Variants in IQCH observed in about 807,000 individuals in gnomAD.
The protein encoded by IQCH is IQ domain-containing protein H.
Under a neutral mutation model 117.0 loss-of-function variants are expected in IQCH, and 98 were observed. The ratio of observed to expected loss-of-function variants is 0.84; its 90% CI spans 0.71 to 0.99. The LOEUF is 0.99. Ranked by LOEUF, IQCH falls within the 50% of genes least tolerant of loss-of-function variation. The pLI is 0.00. For synonymous variants in IQCH, 412 were observed against 448.2 expected (o/e 0.92, Z 1.02); for missense variants, 1,102 against 1,243.8 (o/e 0.89, Z 1.72).
chr15:67,329,142 T>C (rs1363982883), intron 4 of IQCH, among the ~76,000 whole-genome samples: 1 of 151,874 alleles, frequency 6.6e-6, no homozygotes, highest in Admixed American at 6.6e-5. Flanking sequence ...CTACACAAAA[T>C]ACAAAAATTA....
rs2083134126 is a variant in IQCH, at chr15:67,473,901, C to T, written c.2677-1795C>T. ...GATGTATTAGCCTGTGGGGGCCTAA[C>T]TCGTCTGTAGATGTGGACTCCACTT... On this transcript the variant is annotated intron_variant, in intron 17 of 20. Transcript: ENST00000335894. The surrounding 1 kb of genome is among the most constrained non-coding windows in gnomAD (Gnocchi z 4.9). Among the ~76,000 whole-genome samples, 1 of 152,174 alleles carries T rather than the reference C, an allele frequency of 6.6e-6. No individual in the cohort carries two copies. The highest frequency in any genetic ancestry group is 1.5e-5 in the Non-Finnish European group (1 of 68,036).
At chr15:67,307,059 C>G (rs1256170105) in intron 4 of IQCH, 5 of 1,281,040 alleles carry the variant, frequency 3.9e-6, no homozygotes, top group Non-Finnish European at 4.9e-6. Flanking sequence ...AATAGCCAAA[C>G]CAAACATTGC....
intron 4 of IQCH, among the ~76,000 whole-genome samples, chr15:67,326,433 G>A (rs1968411254): frequency 1.3e-5 from 2 of 152,188 alleles, no homozygotes; most frequent in African/African-American, 4.8e-5. Context: ...ACATATGTGT[G>A]CATGTGTCTT....
chr15:67,258,225 ACT>A (rs772058558), intron 1 of IQCH, among the ~76,000 whole-genome samples: 3 of 140,686 alleles, frequency 2.1e-5, no homozygotes, highest in Non-Finnish European at 3.1e-5. Context: ...GCACAGCGAG[ACT>A]CTGTGTCAAA....
At chr15:67,371,583 A>G (rs1240135679) in intron 8 of IQCH, 1 of 1,112,822 alleles carries the variant, frequency 9.0e-7, no homozygotes, top group East Asian at 2.5e-5. Context: ...TCTGGATATT[A>G]AGAGAAGATG....
chr15:67,484,012 C>A (rs1237046551), intron 18 of IQCH, among the ~76,000 whole-genome samples: 1 of 152,140 alleles, frequency 6.6e-6, no homozygotes, highest in African/African-American at 2.4e-5. Flanking sequence ...TTCAAAAGGA[C>A]CAAACTCTAG....
rs1159310140 is a variant in IQCH at position 67,337,005 on chromosome 15, A to G, written c.418A>G (p.Asn140Asp). Residue 140 changes from asparagine (N) to aspartate (D), a missense_variant, in exon 5 of 21, where the codon AAC becomes GAC. By Grantham distance (23) the Asn-to-Asp change is conservative. Around this residue, in one of 2 missense-constraint regions of IQCH, gnomAD observed 452 missense variants for 449.6 expected, o/e 1.01. Coordinates refer to ENST00000335894, the MANE Select transcript of IQCH (RefSeq NM_001031715.3). ...IKVSKLIKGS[N>D]ISSLTVLPSS... ...GGTTTCGAAGTTAATCAAAGGGTCT[A>G]ACATATCCAGCCTCACGGTTCTGCC... 1.2e-6 allele frequency: 2 copies of G among 1,613,692 alleles called. No individual in the cohort carries two copies. The highest frequency in any genetic ancestry group is 1.7e-6 in the Non-Finnish European group (2 of 1,179,796).
intron 4 of IQCH, among the ~76,000 whole-genome samples, chr15:67,300,431 A>G (rs558947761): frequency 6.6e-6 from 1 of 152,194 alleles, no homozygotes; most frequent in African/African-American, 2.4e-5. Context: ...ATACAGCTCA[A>G]ATCAGGACTT....
chr15:67,279,615 T>C lies in IQCH; in HGVS notation c.387+103T>C, dbSNP rs1266146413. The C allele has an allele frequency of 2.3e-5, 14 of 603,404 alleles. No homozygotes were observed. The South Asian group carries it at 3.2e-4, about 14-fold the overall frequency. The allele number at this position is 603,404 out of a possible 1,614,324, so 37.4% of individuals were successfully genotyped here. ...GACTTTTAATGGGTATGAAGTTTCT[T>C]TGGGGGACAATGAACATGTTCTAGA... On this transcript the variant is annotated intron_variant, in intron 4 of 20. Coordinates refer to ENST00000335894, the MANE Select transcript of IQCH (RefSeq NM_001031715.3).
intron 14 of IQCH, among the ~76,000 whole-genome samples, chr15:67,402,510 C>G (rs1420863552): frequency 6.6e-6 from 1 of 152,198 alleles, no homozygotes; most frequent in Non-Finnish European, 1.5e-5. Flanking sequence ...ATTTAGACAT[C>G]AAAGCATTAC....
rs1335385558 is a variant in IQCH at position 67,430,472 on chromosome 15, G to A, written c.2505+8895G>A. The A allele has an allele frequency of 6.6e-6, 1 of 152,054 alleles. No individual in the cohort carries two copies. The highest frequency in any genetic ancestry group is 2.4e-5 in the African/African-American group (1 of 41,392). 9.4% of individuals were successfully genotyped at this position (152,054 alleles called of 1,614,324 possible). On this transcript the variant is annotated intron_variant, in intron 16 of 20. Coordinates refer to ENST00000335894, the MANE Select transcript of IQCH (RefSeq NM_001031715.3). This position sits in a 1 kb window ranked among gnomAD's most constrained non-coding sequence, Gnocchi z 5.1. Reference sequence around the variant, plus strand: ...TCATATCCATCGTCCCATTTTATTTGCTATACATGCACACAATTGTTTTAT... The same window carrying A: ...TCATATCCATCGTCCCATTTTATTTACTATACATGCACACAATTGTTTTAT...
chr15:67,393,807 G>A lies in IQCH; in HGVS notation c.1633-1484G>A, dbSNP rs1426138636. On this transcript the variant is annotated intron_variant, in intron 12 of 20. Coordinates refer to ENST00000335894, the MANE Select transcript of IQCH (RefSeq NM_001031715.3). The surrounding 1 kb of genome is among the most constrained non-coding windows in gnomAD (Gnocchi z 5.5). ...ACTGGGATTACAGGTATGAGCCACG[G>A]TGCCTAGCCTGACTTTATTTTTAAG... Among the ~76,000 whole-genome samples, 1 of 152,150 alleles carries A rather than the reference G, an allele frequency of 6.6e-6. No homozygotes were observed. The highest frequency in any genetic ancestry group is 2.4e-5 in the African/African-American group (1 of 41,414).
rs752533991 is a variant in IQCH, at chr15:67,342,488, G to A, written c.509-1575G>A. Among the ~76,000 whole-genome samples the A allele has an allele frequency of 2.6e-5, 4 of 152,058 alleles. No homozygotes were observed. Among genetic ancestry groups the A allele is most frequent in the African/African-American group, 4.8e-5 (2 of 41,400 alleles). ...CAGCACTAAAGCAAGGGTTGAAATC[G>A]TGCTTATAGTCTTCAGAATTCTCAG... On this transcript the variant is annotated intron_variant, in intron 5 of 20. Transcript: ENST00000335894. This position sits in a 1 kb window ranked among gnomAD's most constrained non-coding sequence, Gnocchi z 4.7.
chr15:67,397,535 C>T (rs1184649122), intron 13 of IQCH, among the ~76,000 whole-genome samples: 1 of 152,118 alleles, frequency 6.6e-6, no homozygotes, highest in Admixed American at 6.6e-5. Context: ...TAGTGACTAC[C>T]CTATCTATTC....
chr15:67,400,317 A>G lies in IQCH; in HGVS notation c.2097+12A>G. The G allele has an allele frequency of 6.2e-7, 1 of 1,602,304 alleles. No homozygotes were observed. Among genetic ancestry groups the G allele is most frequent in the South Asian group, 1.1e-5 (1 of 90,788 alleles). ...AGAAATGGGCACAAGTGAGTATTCA[A>G]TGGTGACTTAAACCCGCAGGGTCTG... On this transcript the variant is annotated intron_variant, in intron 14 of 20. Transcript: ENST00000335894.
intron 4 of IQCH, among the ~76,000 whole-genome samples, chr15:67,331,219 G>A (rs1243517096): frequency 1.3e-5 from 2 of 152,140 alleles, no homozygotes; most frequent in African/African-American, 4.8e-5. Context: ...AGAATTAGGG[G>A]CTGCAAAAGA....
intron 4 of IQCH, among the ~76,000 whole-genome samples, chr15:67,284,315 C>G (rs1020544529): frequency 5.9e-5 from 9 of 152,094 alleles, no homozygotes; most frequent in African/African-American, 2.2e-4. Context: ...GTTTGCCTGG[C>G]TTATTTCACT....
chr15:67,340,152 G>A (rs772388685), intron 5 of IQCH, among the ~76,000 whole-genome samples: 8 of 152,160 alleles, frequency 5.3e-5, no homozygotes, highest in Non-Finnish European at 1.2e-4. Context: ...TCGTCGGCCA[G>A]CACATTGGTT....
At chr15:67,288,895 C>A (rs1246189909) in intron 4 of IQCH, among the ~76,000 whole-genome samples, 3 of 152,096 alleles carry the variant, frequency 2.0e-5, no homozygotes, top group Non-Finnish European at 2.9e-5. Flanking sequence ...TGGGCTTATG[C>A]AAACTTGGTC....
Sources: gnomAD v4.1 joint callset for allele counts (sites outside exome capture counted in the v4.1 genomes callset) on GRCh38, gnomAD v4.1.1 for gene constraint, gnomAD v4.1.1 regional missense constraint, Gnocchi (gnomAD v3.1) non-coding constraint, MANE v1.5 for transcripts, NCBI Gene and HGNC (gene_info 2026-07-23, HGNC 2026-07-21) for gene names.